PKIG: variants seen among roughly 807,000 people sequenced by gnomAD.
PKIG encodes cAMP-dependent protein kinase inhibitor gamma, also known as protein kinase (cAMP-dependent, catalytic) inhibitor gamma.
In PKIG, 1 loss-of-function variant was observed where a neutral mutation model predicts 6.8. The ratio of observed to expected loss-of-function variants is 0.15; its 90% CI spans 0.05 to 0.69. PKIG has a LOEUF of 0.69. Ranked by LOEUF, PKIG falls within the 30% of genes least tolerant of loss-of-function variation. The pLI, the probability that PKIG is intolerant of heterozygous loss-of-function variation, is 0.82. For synonymous variants in PKIG, 39 were observed against 43.0 expected, an observed-to-expected ratio of 0.91 and a Z score of 0.36; for missense variants, 77 against 104.0, an observed-to-expected ratio of 0.74 and a Z score of 1.13.
At chr20:44,584,722 CTTTT>C (rs3092041) in intron 1 of PKIG, among the ~76,000 whole-genome samples, 2 of 140,298 alleles carry the variant, frequency 1.4e-5, no homozygotes, top group African/African-American at 2.6e-5. Flanking sequence ...CTTGGCACTT[CTTTT>C]TTTTTTTTTT....
At chr20:44,561,269 A>G (rs1048437451) in intron 1 of PKIG, among the ~76,000 whole-genome samples, 2 of 152,172 alleles carry the variant, frequency 1.3e-5, no homozygotes, top group Non-Finnish European at 2.9e-5. Context: ...CCCGGGAGGC[A>G]GAAGTTGCAG....
chr20:44,532,396 A>G (rs1389575143), intron 1 of PKIG, among the ~76,000 whole-genome samples: 2 of 152,224 alleles, frequency 1.3e-5, no homozygotes, highest in South Asian at 2.1e-4. Flanking sequence ...TGACGTTATT[A>G]CAAGGTAAAT....
intron 1 of PKIG, among the ~76,000 whole-genome samples, chr20:44,558,571 C>CTT: frequency 7.9e-6 from 1 of 126,194 alleles, no homozygotes; most frequent in South Asian, 2.7e-4. Context: ...TTCTTTTTTT[C>CTT]TTTTTTCTTT....
chr20:44,532,547 A>T (rs1023535847), intron 1 of PKIG, among the ~76,000 whole-genome samples: 1 of 152,196 alleles, frequency 6.6e-6, no homozygotes, highest in Non-Finnish European at 1.5e-5. Context: ...TGAACGAGAG[A>T]CATCGTGTCC....
chr20:44,567,349 T>C (rs1039512748), intron 1 of PKIG, among the ~76,000 whole-genome samples: 2 of 152,220 alleles, frequency 1.3e-5, no homozygotes, highest in Non-Finnish European at 2.9e-5. Flanking sequence ...CCAAAGCTCC[T>C]TGAAGGAGGG....
At chr20:44,615,678 C>T (rs2065258155) in intron 3 of PKIG, among the ~76,000 whole-genome samples, 1 of 152,198 alleles carries the variant, frequency 6.6e-6, no homozygotes, top group Non-Finnish European at 1.5e-5. Context: ...CATCAGGCTG[C>T]AACTGTCTCC....
intron 1 of PKIG, among the ~76,000 whole-genome samples, chr20:44,547,727 A>C (rs758855404): frequency 3.3e-5 from 5 of 152,176 alleles, no homozygotes; most frequent in Non-Finnish European, 7.3e-5. Flanking sequence ...AAATGGGAAT[A>C]GTAATAACAT....
At chr20:44,610,529 C>CACACACACACACACACACACACACACA (rs1206246062) in intron 2 of PKIG, among the ~76,000 whole-genome samples, 4 of 150,970 alleles carry the variant, frequency 2.6e-5, no homozygotes, top group South Asian at 2.1e-4. Context: ...CACACACACA[C>CACACACACACACACACACACACACACA]CTGCAGCACT....
At chr20:44,593,160 GA>G (rs3091908) in intron 2 of PKIG, among the ~76,000 whole-genome samples, 28,416 of 143,702 alleles carry the variant, frequency 0.2, 3,559 homozygotes, top group African/African-American at 0.36. Flanking sequence ...TTCTATAAAA[GA>G]AAAAAAAAAA....
intron 1 of PKIG, among the ~76,000 whole-genome samples, chr20:44,551,657 G>A (rs755028611): frequency 6.6e-6 from 1 of 152,090 alleles, no homozygotes; most frequent in Non-Finnish European, 1.5e-5. Flanking sequence ...CATCCCCTCC[G>A]TTTCCAGAAA....
intron 1 of PKIG, among the ~76,000 whole-genome samples, chr20:44,537,112 TA>T (rs1242717455): frequency 6.6e-6 from 1 of 151,650 alleles, no homozygotes; most frequent in African/African-American, 2.4e-5. Flanking sequence ...GTATTATTAT[TA>T]TTTTTTTTGA....
At chr20:44,571,210 C>T (rs1051977693) in intron 1 of PKIG, among the ~76,000 whole-genome samples, 9 of 146,458 alleles carry the variant, frequency 6.1e-5, no homozygotes, top group Admixed American at 1.4e-4. Flanking sequence ...ACAGCCTATG[C>T]GATAGAGAGA....
At chr20:44,544,921 CTTTCTTTTTTT>C (rs1568803963) in intron 1 of PKIG, among the ~76,000 whole-genome samples, 8 of 84,874 alleles carry the variant, frequency 9.4e-5, no homozygotes, top group Non-Finnish European at 1.8e-4. Context: ...TTCCTTCCTT[CTTTCTTTTTTT>C]TTTTTTTTTT....
chr20:44,586,164 C>T (rs1008674888), intron 1 of PKIG, among the ~76,000 whole-genome samples: 6 of 152,208 alleles, frequency 3.9e-5, no homozygotes, highest in Non-Finnish European at 5.9e-5. Flanking sequence ...ACTTCTCTTT[C>T]TGTCAAGTGG....
chr20:44,565,171 T>C (rs1359860743), intron 1 of PKIG, among the ~76,000 whole-genome samples: 1 of 152,236 alleles, frequency 6.6e-6, no homozygotes, highest in East Asian at 1.9e-4. Flanking sequence ...TGGGTTTTTT[T>C]CTAATGTCTA....
intron 1 of PKIG, among the ~76,000 whole-genome samples, chr20:44,577,315 G>A (rs565665858): frequency 4.5e-4 from 69 of 151,978 alleles, no homozygotes; most frequent in African/African-American, 1.6e-3. Flanking sequence ...GTTTTTTTTA[G>A]TAGAGACAGG....
intron 3 of PKIG, among the ~76,000 whole-genome samples, chr20:44,616,742 C>A (rs371632773): frequency 6.6e-6 from 1 of 152,200 alleles, no homozygotes; most frequent in Non-Finnish European, 1.5e-5. Context: ...CCAGGAAGCC[C>A]GCAGGGAGCA....
intron 1 of PKIG, among the ~76,000 whole-genome samples, chr20:44,547,682 C>T (rs1012674244): frequency 6.6e-6 from 1 of 152,172 alleles, no homozygotes; most frequent in African/African-American, 2.4e-5. Flanking sequence ...ACTTTGGACA[C>T]CGACCTTTCT....
At chr20:44,578,730 A>C (rs1197949063), upstream of PKIG, among the ~76,000 whole-genome samples, 1 of 152,212 alleles carries the variant, frequency 6.6e-6, no homozygotes, top group Non-Finnish European at 1.5e-5. Context: ...AGCCTCAGGT[A>C]TTCCTTTATA....
Sources: allele counts gnomAD v4.1 joint callset (sites outside exome capture counted in the v4.1 genomes callset), GRCh38; gene constraint gnomAD v4.1.1; transcripts MANE v1.5; gene names NCBI Gene and HGNC (gene_info 2026-07-23, HGNC 2026-07-21).